SPMIP2: variants seen among roughly 807,000 people sequenced by gnomAD.
SPMIP2 encodes protein SPMIP2.
chr4:158,992,620 A>G, the SPMIP2 span, among the ~76,000 whole-genome samples: 4 of 152,186 alleles, frequency 2.6e-5, no homozygotes. Context: ...AAGAACAGAA[A>G]TTTGTTTTCA....
At chr4:159,040,972 T>C in the SPMIP2 span, among the ~76,000 whole-genome samples, 3 of 152,234 alleles carry the variant, frequency 2.0e-5, no homozygotes, top group Non-Finnish European at 2.9e-5. Context: ...CTACATGGTA[T>C]GTATTCAATA....
At chr4:159,071,660 T>A in the SPMIP2 span, among the ~76,000 whole-genome samples, 1 of 152,150 alleles carries the variant, frequency 6.6e-6, no homozygotes, top group African/African-American at 2.4e-5. Context: ...CCTGCTAATG[T>A]TTGTACCTGA....
chr4:159,046,793 G>A, the SPMIP2 span, among the ~76,000 whole-genome samples: 1 of 152,286 alleles, frequency 6.6e-6, no homozygotes, highest in South Asian at 2.1e-4. Flanking sequence ...GCCTGGCCTC[G>A]AACTCTTGAC....
chr4:159,005,078 A>G, the SPMIP2 span, among the ~76,000 whole-genome samples: 1 of 152,020 alleles, frequency 6.6e-6, no homozygotes, highest in African/African-American at 2.4e-5. Context: ...TAAAAATACA[A>G]AAATTAGCTG....
At chr4:159,035,134 CG>C in the SPMIP2 span, 1 of 1,557,764 alleles carries the variant, frequency 6.4e-7, no homozygotes, top group South Asian at 1.1e-5. Flanking sequence ...TTTTCTTCTT[CG>C]GCTTCTTCAA....
the SPMIP2 span, among the ~76,000 whole-genome samples, chr4:158,959,447 T>G: frequency 6.6e-6 from 1 of 152,106 alleles, no homozygotes; most frequent in Non-Finnish European, 1.5e-5. Context: ...AAGGTATTTT[T>G]TTTGTTCTGA....
chr4:159,080,917 T>G, the SPMIP2 span, among the ~76,000 whole-genome samples: 1 of 151,172 alleles, frequency 6.6e-6, no homozygotes, highest in Non-Finnish European at 1.5e-5. Context: ...TAGAGACGGG[T>G]TTTCACCGTG....
chr4:158,945,701 C>T, the SPMIP2 span, among the ~76,000 whole-genome samples: 12 of 152,168 alleles, frequency 7.9e-5, no homozygotes, highest in Non-Finnish European at 1.8e-4. Context: ...GACATAATGA[C>T]ACCAATGAGA....
the SPMIP2 span, among the ~76,000 whole-genome samples, chr4:158,966,268 G>T: frequency 2.6e-4 from 39 of 152,198 alleles, no homozygotes; most frequent in Non-Finnish European, 4.9e-4. Context: ...TGCATGCTAT[G>T]CATTTTTGTC....
the SPMIP2 span, among the ~76,000 whole-genome samples, chr4:158,948,020 C>T: frequency 6.6e-6 from 1 of 152,250 alleles, no homozygotes; most frequent in East Asian, 1.9e-4. Flanking sequence ...TTCTCTTCCC[C>T]CAAAGCAACC....
At chr4:159,035,161 C>G in the SPMIP2 span, 1 of 1,352,886 alleles carries the variant, frequency 7.4e-7, no homozygotes, top group Non-Finnish European at 1.0e-6. Flanking sequence ...TTAAGCTGCA[C>G]CAGAAAGAAC....
At chr4:159,035,504 A>G in the SPMIP2 span, among the ~76,000 whole-genome samples, 2 of 152,214 alleles carry the variant, frequency 1.3e-5, no homozygotes, top group African/African-American at 4.8e-5. Context: ...AAAAAACAAA[A>G]AGCCCCCACA....
chr4:158,915,919 G>C, the SPMIP2 span, among the ~76,000 whole-genome samples: 1 of 152,208 alleles, frequency 6.6e-6, no homozygotes, highest in South Asian at 2.1e-4. Context: ...CTGGGGAACA[G>C]ACAGAAACAG....
chr4:159,024,673 T>C, the SPMIP2 span, among the ~76,000 whole-genome samples: 3 of 152,204 alleles, frequency 2.0e-5, no homozygotes, highest in Admixed American at 1.3e-4. Context: ...TCAACCAAGA[T>C]TATGTAAACT....
chr4:159,047,442 C>G, the SPMIP2 span, among the ~76,000 whole-genome samples: 1 of 152,106 alleles, frequency 6.6e-6, no homozygotes, highest in Non-Finnish European at 1.5e-5. Context: ...AAAATTTATG[C>G]TAGATTTTAA....
chr4:158,997,909 G>A, the SPMIP2 span, among the ~76,000 whole-genome samples: 11 of 152,074 alleles, frequency 7.2e-5, no homozygotes, highest in Non-Finnish European at 1.5e-4. Context: ...CTCCCACATC[G>A]GCCTCCCAAA....
At chr4:158,977,679 A>G in the SPMIP2 span, among the ~76,000 whole-genome samples, 55 of 139,456 alleles carry the variant, frequency 3.9e-4, no homozygotes, top group African/African-American at 1.2e-3. Flanking sequence ...CAGTGGCACA[A>G]TCTCGGCTCA....
At chr4:159,010,686 TTTCTGGAACACAGCTCTCTG>T in the SPMIP2 span, among the ~76,000 whole-genome samples, 1 of 152,292 alleles carries the variant, frequency 6.6e-6, no homozygotes, top group East Asian at 1.9e-4. Context: ...GCAGCGTTTG[TTTCTGGAACACAGCTCTCTG>T]TTAATGCAGC....
chr4:158,893,676 G>T, the SPMIP2 span: 1 of 1,583,026 alleles, frequency 6.3e-7, no homozygotes. Flanking sequence ...CCTTCTAAAA[G>T]CAGGTTGAGT....
Sources: gnomAD v4.1 joint callset for allele counts (sites outside exome capture counted in the v4.1 genomes callset) on GRCh38, gnomAD v4.1.1 for gene constraint, MANE v1.5 for transcripts, NCBI Gene and HGNC (gene_info 2026-07-23, HGNC 2026-07-21) for gene names.